The following IGF1R variants were observed in gnomAD, a reference collection of about 807,000 sequenced individuals.
IGF1R encodes the protein insulin-like growth factor 1 receptor.
A neutral mutation model predicts 144.6 loss-of-function variants in IGF1R; 44 were observed. The observed-to-expected ratio is 0.30, with a 90% CI of 0.24 to 0.39. The LOEUF (loss-of-function observed/expected upper bound fraction) is 0.39, where lower values mean the gene tolerates loss of function less well. Among genes scored for constraint, IGF1R ranks in the 10% least tolerant of loss-of-function variants. The pLI is 1.00. For synonymous variants in IGF1R, 795 were observed against 722.8 expected, an observed-to-expected ratio of 1.10 and a Z score of -1.60; for missense variants, 1,355 against 1,833.7, an observed-to-expected ratio of 0.74 and a Z score of 4.77.
At chr15:98,814,787 G>A (rs189216872) in intron 2 of IGF1R, among the ~76,000 whole-genome samples, 178 of 147,412 alleles carry the variant, frequency 1.2e-3, no homozygotes, top group Non-Finnish European at 2.2e-3. Context: ...ACCAAAAATG[G>A]GGAGAAGAAA....
intron 2 of IGF1R, among the ~76,000 whole-genome samples, chr15:98,846,692 C>T (rs2011341111): frequency 6.6e-6 from 1 of 152,214 alleles, no homozygotes; most frequent in South Asian, 2.1e-4. Context: ...GGACCCAGTT[C>T]ATCGAGAGGG....
intron 1 of IGF1R, among the ~76,000 whole-genome samples, chr15:98,650,074 C>A (rs1205696314): frequency 1.3e-5 from 2 of 152,156 alleles, no homozygotes; most frequent in Non-Finnish European, 2.9e-5. Context: ...AGCGCTGATC[C>A]CCTGCGGCGC....
intron 2 of IGF1R, among the ~76,000 whole-genome samples, chr15:98,745,308 G>T (rs982678845): frequency 6.6e-6 from 1 of 152,328 alleles, no homozygotes; most frequent in Non-Finnish European, 1.5e-5. Flanking sequence ...CTTTCCTGGA[G>T]GATGTGCCTT....
intron 2 of IGF1R, among the ~76,000 whole-genome samples, chr15:98,832,438 T>G (rs1429983633): frequency 6.6e-6 from 1 of 152,170 alleles, no homozygotes; most frequent in African/African-American, 2.4e-5. Flanking sequence ...TTTGTAAAAG[T>G]TTACATTATT....
At chr15:98,870,837 C>T (rs2012744862) in intron 2 of IGF1R, among the ~76,000 whole-genome samples, 1 of 152,206 alleles carries the variant, frequency 6.6e-6, no homozygotes, top group African/African-American at 2.4e-5. Context: ...TGACATACTC[C>T]CTTCCGTTGC....
At chr15:98,760,212 A>C (rs2055258567) in intron 2 of IGF1R, among the ~76,000 whole-genome samples, 1 of 151,932 alleles carries the variant, frequency 6.6e-6, no homozygotes, top group Admixed American at 6.6e-5. Context: ...CTAGCTGGGC[A>C]TGGTGGTGCA....
chr15:98,896,618 CCA>C, intron 3 of IGF1R, 137 bp from the exon 4 acceptor site: 1 of 852,872 alleles, frequency 1.2e-6, no homozygotes. Flanking sequence ...TACCATGTGA[CCA>C]CATGAACACT....
At chr15:98,672,177 A>G (rs1163968690) in intron 1 of IGF1R, among the ~76,000 whole-genome samples, 1 of 152,224 alleles carries the variant, frequency 6.6e-6, no homozygotes, top group Non-Finnish European at 1.5e-5. Context: ...GGGAATATTT[A>G]TGATTCTTGC....
chr15:98,747,552 A>G (rs1192159667), intron 2 of IGF1R, among the ~76,000 whole-genome samples: 1 of 152,188 alleles, frequency 6.6e-6, no homozygotes, highest in Non-Finnish European at 1.5e-5. Context: ...AATTGAATAT[A>G]GGTTATTTTG....
At position 98,891,645 on chromosome 15, in the gene IGF1R, G is replaced by T. The variant is rs375731039; in HGVS notation, c.953+8G>T. On this transcript the variant is annotated splice_region_variant and intron_variant, in intron 3 of 20. Transcript: ENST00000650285. This position sits in a 1 kb window ranked among gnomAD's most constrained non-coding sequence, Gnocchi z 4.7. ...CCGCAACGGCAGCCAGAGGTCAGTC[G>T]CGGCCACACGTGTGGTCACTACCCG... The T allele has an allele frequency of 6.3e-7, 1 of 1,599,328 alleles. No individual in the cohort carries two copies. Among genetic ancestry groups the T allele is most frequent in the Non-Finnish European group, 8.5e-7 (1 of 1,179,708 alleles).
chr15:98,834,934 G>A (rs1166117148), intron 2 of IGF1R, among the ~76,000 whole-genome samples: 1 of 152,126 alleles, frequency 6.6e-6, no homozygotes, highest in East Asian at 1.9e-4. Context: ...TCCAGGGCAC[G>A]CCCAGACACC....
At chr15:98,825,974 C>G (rs2056888059) in intron 2 of IGF1R, among the ~76,000 whole-genome samples, 1 of 152,144 alleles carries the variant, frequency 6.6e-6, no homozygotes, top group African/African-American at 2.4e-5. Flanking sequence ...CCTTGGTGAC[C>G]TTTCCATACT....
In IGF1R at chr15:98,676,837, T is replaced by C. The variant is rs1215940854; in HGVS notation, c.94+27162T>C. ...GAGGTTGTATACTTTTCCTTTTGGG[T>C]TATTTCTGGTTAATGAATGCTTTTT... On this transcript the variant is annotated intron_variant, in intron 1 of 20. Transcript: ENST00000650285. Among the ~76,000 whole-genome samples, 3 of 152,296 alleles carry C rather than the reference T, an allele frequency of 2.0e-5. 1 individual carries two copies. Among genetic ancestry groups the C allele is most frequent in the South Asian group, 4.1e-4 (2 of 4,820 alleles).
At chr15:98,941,219 A>G (rs1229608013) in intron 18 of IGF1R, among the ~76,000 whole-genome samples, 2 of 152,284 alleles carry the variant, frequency 1.3e-5, no homozygotes, top group Admixed American at 1.3e-4. Flanking sequence ...TATGAGAAGG[A>G]CTTGGTGCAG....
chr15:98,805,767 C>T (rs547286868), intron 2 of IGF1R, among the ~76,000 whole-genome samples: 37 of 152,272 alleles, frequency 2.4e-4, no homozygotes, highest in East Asian at 7.7e-4. Context: ...CTTTTGTAAA[C>T]GCACATAAAG....
intron 2 of IGF1R, among the ~76,000 whole-genome samples, chr15:98,739,808 T>G (rs1177114034): frequency 1.3e-5 from 2 of 152,140 alleles, no homozygotes; most frequent in East Asian, 1.9e-4. Flanking sequence ...CCCAGGCTGT[T>G]CTCGAATTCC....
intron 20 of IGF1R, among the ~76,000 whole-genome samples, chr15:98,949,509 G>C (rs948296749): frequency 1.3e-5 from 2 of 151,064 alleles, no homozygotes; most frequent in Non-Finnish European, 2.9e-5. Flanking sequence ...CTCCAAAATA[G>C]CTAGGATTAC....
At position 98,963,342 on chromosome 15, in the gene IGF1R, C is replaced by T. The variant is rs2017302025; in HGVS notation, c.*5900C>T. 1 of 232,854 alleles carries T rather than the reference C, an allele frequency of 4.3e-6. No homozygotes were observed. Among genetic ancestry groups the T allele is most frequent in the Non-Finnish European group, 8.5e-6 (1 of 117,824 alleles). The allele number at this position is 232,854 out of a possible 1,614,324, so 14.4% of individuals were successfully genotyped here. On this transcript the variant is annotated 3_prime_UTR_variant, in exon 21 of 21. Coordinates refer to ENST00000650285, the MANE Select transcript of IGF1R (RefSeq NM_000875.5). ...CCATGCTTTTTGCCCTAGTTTATAA[C>T]AAAGGAATGATGATGATTTAAAAAG...
At chr15:98,916,577 C>A in intron 9 of IGF1R, 95 bp from the exon 10 acceptor site, 2 of 1,118,918 alleles carry the variant, frequency 1.8e-6, no homozygotes, top group Non-Finnish European at 2.7e-6. Flanking sequence ...CAGCTATCTT[C>A]TTGATTAAAG....
Sources: allele counts gnomAD v4.1 joint callset (sites outside exome capture counted in the v4.1 genomes callset), GRCh38; gene constraint gnomAD v4.1.1; non-coding constraint Gnocchi (gnomAD v3.1); transcripts MANE v1.5; gene names NCBI Gene and HGNC (gene_info 2026-07-23, HGNC 2026-07-21).